RNF216: variants seen among roughly 807,000 people sequenced by gnomAD.
The protein encoded by RNF216 is ring finger protein 216, also known as E3 ubiquitin-protein ligase RNF216.
Under a neutral mutation model 110.8 loss-of-function variants are expected in RNF216, and 72 were observed. The ratio of observed to expected loss-of-function variants is 0.65; its 90% CI spans 0.54 to 0.79. RNF216 has a LOEUF of 0.79. Among genes scored for constraint, RNF216 ranks in the 30% least tolerant of loss-of-function variants. The pLI is 0.00. For synonymous variants in RNF216, 495 were observed against 407.5 expected, an observed-to-expected ratio of 1.21 and a Z score of -2.59; for missense variants, 1,342 against 1,141.2, an observed-to-expected ratio of 1.18 and a Z score of -2.54.
At chr7:5,679,714 T>G (rs1790529686) in intron 13 of RNF216, among the ~76,000 whole-genome samples, 1 of 151,946 alleles carries the variant, frequency 6.6e-6, no homozygotes, top group South Asian at 2.1e-4. Context: ...AAGGAACAAT[T>G]AAACAAAAAA....
At chr7:5,718,888 G>A (rs1793235957) in intron 9 of RNF216, among the ~76,000 whole-genome samples, 1 of 151,886 alleles carries the variant, frequency 6.6e-6, no homozygotes, top group African/African-American at 2.4e-5. Context: ...TGAACTCCTG[G>A]CCTCAAGTGA....
At position 5,620,781 on chromosome 7, in the gene RNF216, CTT is replaced by C. The variant is rs1786304641; in HGVS notation, c.*2077_*2078del. ...TGTTTCTGCAGCTGCTGCCTGCTCC[CTT>C]TGTCCTGCCTGGGGCTCTTGCTGGA... On this transcript the variant is annotated 3_prime_UTR_variant, in exon 17 of 17. Transcript: ENST00000389902. The C allele has an allele frequency of 6.6e-6, 1 of 152,500 alleles. No individual in the cohort carries two copies. The highest frequency in any genetic ancestry group is 2.1e-4 in the South Asian group (1 of 4,838). The allele number at this position is 152,500 out of a possible 1,614,324, so 9.4% of individuals were successfully genotyped here. A position where few individuals can be genotyped will look rare whatever the true frequency, so the allele number is the denominator to read the frequency against.
chr7:5,707,452 G>A (rs918232510), intron 13 of RNF216, among the ~76,000 whole-genome samples: 2 of 152,132 alleles, frequency 1.3e-5, no homozygotes, highest in East Asian at 1.9e-4. Flanking sequence ...GTACAGGAAC[G>A]CAACTGATTT....
chr7:5,653,159 A>T (rs1307973708), intron 13 of RNF216, among the ~76,000 whole-genome samples: 2 of 152,148 alleles, frequency 1.3e-5, no homozygotes, highest in Non-Finnish European at 2.9e-5. Flanking sequence ...CTCATCACTC[A>T]TCGGCATGGA....
chr7:5,714,511 G>C lies in RNF216; in HGVS notation c.1833+542C>G, dbSNP rs534669552. ...GACCTCAGGTGATCCGCCTACCTCG[G>C]CCTCCCAAAGTGCTGGGATTACAGG... On this transcript the variant is annotated intron_variant, in intron 11 of 16. Coordinates refer to ENST00000389902, the MANE Select transcript of RNF216 (RefSeq NM_207111.4). Among the ~76,000 whole-genome samples the C allele has an allele frequency of 3.3e-5, 5 of 152,262 alleles. 1 individual carries two copies. In the East Asian group the frequency reaches 9.6e-4, roughly 29 times the overall value.
At chr7:5,694,085 G>A (rs1332205461) in intron 13 of RNF216, among the ~76,000 whole-genome samples, 1 of 152,166 alleles carries the variant, frequency 6.6e-6, no homozygotes, top group Admixed American at 6.5e-5. Context: ...AAGTGCCAAG[G>A]AAATTATACC....
chr7:5,663,371 G>A (rs1789276885), intron 13 of RNF216, among the ~76,000 whole-genome samples: 1 of 152,036 alleles, frequency 6.6e-6, no homozygotes, highest in African/African-American at 2.4e-5. Flanking sequence ...ATGACGTCAG[G>A]AGATCGAGAC....
chr7:5,667,557 C>G (rs985082125), intron 13 of RNF216, among the ~76,000 whole-genome samples: 2 of 152,216 alleles, frequency 1.3e-5, no homozygotes, highest in Admixed American at 1.3e-4. Context: ...GCATAGGAAG[C>G]AGATCTAATC....
At chr7:5,757,694 A>G (rs1336407558) in intron 2 of RNF216, among the ~76,000 whole-genome samples, 1 of 152,240 alleles carries the variant, frequency 6.6e-6, no homozygotes, top group Non-Finnish European at 1.5e-5. Flanking sequence ...GAGTCAAAAA[A>G]AGCAGATTAG....
intron 7 of RNF216, among the ~76,000 whole-genome samples, chr7:5,728,031 C>T (rs1253312324): frequency 2.6e-5 from 4 of 152,116 alleles, no homozygotes; most frequent in African/African-American, 9.7e-5. Flanking sequence ...TCAGATGTCT[C>T]ACAGGCCCTT....
At chr7:5,644,412 T>C (rs1787926487) in intron 14 of RNF216, among the ~76,000 whole-genome samples, 2 of 152,216 alleles carry the variant, frequency 1.3e-5, no homozygotes, top group Admixed American at 6.5e-5. Context: ...AGTTCTGATT[T>C]GTATTTCTGT....
At chr7:5,746,910 C>A (rs772740383) in intron 3 of RNF216, among the ~76,000 whole-genome samples, 106 of 152,162 alleles carry the variant, frequency 7.0e-4, no homozygotes, top group Non-Finnish European at 4.7e-4. Context: ...GAGATTCTTA[C>A]TGGCATTCAG....
At chr7:5,760,890 G>A in intron 2 of RNF216, 113 bp downstream of exon 2, 4 of 835,308 alleles carry the variant, frequency 4.8e-6, no homozygotes, top group Non-Finnish European at 7.7e-6. Flanking sequence ...TGTCAAAAAC[G>A]AAATGTCCCT....
At chr7:5,755,983 T>C (rs879741937) in intron 2 of RNF216, among the ~76,000 whole-genome samples, 5 of 145,990 alleles carry the variant, frequency 3.4e-5, no homozygotes, top group Non-Finnish European at 7.6e-5. Flanking sequence ...TATAGATTGA[T>C]ATGGTTTGGC....
chr7:5,734,829 TAAATAAATA>T (rs1429209058), intron 5 of RNF216, among the ~76,000 whole-genome samples: 9 of 112,528 alleles, frequency 8.0e-5, no homozygotes, highest in African/African-American at 3.0e-4. Flanking sequence ...TCTCTCAAAA[TAAATAAATA>T]AATAAATAAA....
At chr7:5,698,407 A>ACACACACG (rs1027274857) in intron 13 of RNF216, among the ~76,000 whole-genome samples, 3 of 147,562 alleles carry the variant, frequency 2.0e-5, no homozygotes, top group Non-Finnish European at 4.4e-5. Context: ...ACACACACAC[A>ACACACACG]CACACACATA....
intron 14 of RNF216, 37 bp downstream of exon 14, chr7:5,652,376 G>C (rs1451377879): frequency 1.4e-6 from 2 of 1,444,432 alleles, no homozygotes; most frequent in African/African-American, 2.8e-5. Context: ...GGGAAGTTGA[G>C]AATCAGCCCA....
chr7:5,741,882 A>G (rs1338137690), intron 3 of RNF216, 67 bp from the exon 4 acceptor site: 2 of 1,502,082 alleles, frequency 1.3e-6, no homozygotes, highest in Non-Finnish European at 1.8e-6. Context: ...ATGTACTTAT[A>G]TTGAGCTTCC....
At chr7:5,745,299 A>T (rs1241604346) in intron 3 of RNF216, among the ~76,000 whole-genome samples, 2 of 152,208 alleles carry the variant, frequency 1.3e-5, no homozygotes, top group East Asian at 1.9e-4. Flanking sequence ...TTCTAAAAAA[A>T]TTTTTTTAAG....
Sources: allele counts gnomAD v4.1 joint callset (sites outside exome capture counted in the v4.1 genomes callset), GRCh38; gene constraint gnomAD v4.1.1; transcripts MANE v1.5; gene names NCBI Gene and HGNC (gene_info 2026-07-23, HGNC 2026-07-21).